The following NCOA6 variants were observed in gnomAD, a reference collection of about 807,000 sequenced individuals.
NCOA6 encodes nuclear receptor coactivator 6, also known as NRC RAP250.
A neutral mutation model predicts 171.4 loss-of-function variants in NCOA6; 49 were observed. That is an observed-to-expected ratio of 0.29 (90% CI 0.23 to 0.36). NCOA6 has a LOEUF of 0.36. Among genes scored for constraint, NCOA6 ranks in the 10% least tolerant of loss-of-function variants. The probability of loss-of-function intolerance (pLI) is 1.00; values close to 1 mark genes in which losing one functional copy is unlikely to be tolerated. For missense variants in NCOA6, 2,248 were observed against 2,554.5 expected (o/e 0.88, Z 2.59); for synonymous variants, 910 against 927.5 (o/e 0.98, Z 0.34).
At chr20:34,801,523 C>G (rs1265611218) in intron 1 of NCOA6, among the ~76,000 whole-genome samples, 1 of 152,094 alleles carries the variant, frequency 6.6e-6, no homozygotes, top group Non-Finnish European at 1.5e-5. Context: ...ACAACTGATA[C>G]TTCAGAAATT....
At chr20:34,823,512 T>A (rs533666774) in intron 1 of NCOA6, among the ~76,000 whole-genome samples, 1 of 152,344 alleles carries the variant, frequency 6.6e-6, no homozygotes, top group South Asian at 2.1e-4. Context: ...TGGACCTATT[T>A]TCCATGACTA....
At chr20:34,737,231 C>T (rs1157295308) in intron 11 of NCOA6, among the ~76,000 whole-genome samples, 4 of 152,202 alleles carry the variant, frequency 2.6e-5, no homozygotes, top group African/African-American at 7.2e-5. Context: ...TTCTATAGCA[C>T]TTAGCAAAAG....
rs368111032 is a variant in NCOA6, at chr20:34,741,083, T to C, written c.5173A>G (p.Asn1725Asp). 7 of 1,614,052 alleles carry C rather than the reference T, an allele frequency of 4.3e-6. No homozygotes were observed. The highest frequency in any genetic ancestry group is 4.5e-5 in the East Asian group (2 of 44,890). The change falls in exon 11 of 15, where the codon AAC becomes GAC. Residue 1725 changes from asparagine (N) to aspartate (D), a missense_variant. Transcript: ENST00000359003. ...PNALSSSPAP[N>D]IQTGRPLVLS... ...ACCAAAGGTCGACCTGTCTGGATGT[T>C]TGGAGCAGGACTACTGGAGAGGGCA...
At chr20:34,746,992 A>C in intron 9 of NCOA6, 64 bp from the exon 10 acceptor site, 1 of 1,372,614 alleles carries the variant, frequency 7.3e-7, no homozygotes, top group Non-Finnish European at 9.6e-7. Flanking sequence ...AAATACACAA[A>C]ACTAGCTTAA....
chr20:34,760,960 C>T (rs979582299), intron 5 of NCOA6, among the ~76,000 whole-genome samples: 2 of 150,800 alleles, frequency 1.3e-5, no homozygotes, highest in African/African-American at 5.0e-5. Flanking sequence ...GTGGCTGACA[C>T]CTGTAATCCC....
intron 13 of NCOA6, among the ~76,000 whole-genome samples, chr20:34,728,460 AT>A (rs1323909803): frequency 1.3e-5 from 2 of 152,162 alleles, no homozygotes; most frequent in Admixed American, 6.5e-5. Context: ...ATCTGGAGAC[AT>A]TTTTGATTGT....
At chr20:34,802,532 CG>C (rs2078290106) in intron 1 of NCOA6, among the ~76,000 whole-genome samples, 1 of 151,756 alleles carries the variant, frequency 6.6e-6, no homozygotes, top group African/African-American at 2.4e-5. Flanking sequence ...ACCAGGGAGT[CG>C]GAAGTTGCAG....
intron 1 of NCOA6, among the ~76,000 whole-genome samples, chr20:34,793,199 C>T (rs998695145): frequency 2.0e-5 from 3 of 152,118 alleles, no homozygotes; most frequent in East Asian, 3.9e-4. Context: ...AGCCTTAGAG[C>T]CCTCTCTATA....
At chr20:34,825,425 CG>C (rs1397797620) in intron 1 of NCOA6, 46 bp downstream of exon 1, 2 of 149,526 alleles carry the variant, frequency 1.3e-5, no homozygotes, top group Non-Finnish European at 3.0e-5. Flanking sequence ...GGACCGCGGA[CG>C]CCCGGCGGGC....
chr20:34,787,134 AC>A lies in NCOA6; in HGVS notation c.-49-4731del, dbSNP rs532629243. 8.1e-5 allele frequency among the ~76,000 whole-genome samples: 12 copies of A among 148,276 alleles called. No individual in the cohort carries two copies. In the South Asian group the frequency reaches 1.1e-3, roughly 13 times the overall value. Reference sequence around the variant, plus strand: ...TAAACAAATTTATGAAAAAAAAAAAACAACCCCATTAAAAAGTGCGCTTTCA... The same window carrying A: ...TAAACAAATTTATGAAAAAAAAAAAAAACCCCATTAAAAAGTGCGCTTTCA... On this transcript the variant is annotated intron_variant, in intron 2 of 14. Coordinates refer to ENST00000359003, the MANE Select transcript of NCOA6 (RefSeq NM_014071.5).
chr20:34,806,384 C>T (rs1031108423), intron 1 of NCOA6, among the ~76,000 whole-genome samples: 12 of 152,314 alleles, frequency 7.9e-5, no homozygotes, highest in East Asian at 3.9e-4. Flanking sequence ...GTTTCCTTTG[C>T]TGTGCAGAAG....
chr20:34,772,009 C>T (rs1467343639), intron 4 of NCOA6, among the ~76,000 whole-genome samples: 3 of 152,134 alleles, frequency 2.0e-5, no homozygotes, highest in Non-Finnish European at 4.4e-5. Flanking sequence ...TAATTAATAG[C>T]ATTCTCTTTC....
intron 3 of NCOA6, among the ~76,000 whole-genome samples, chr20:34,779,696 G>A (rs2077457963): frequency 6.6e-6 from 1 of 152,088 alleles, no homozygotes; most frequent in South Asian, 2.1e-4. Flanking sequence ...TGGTCATAGA[G>A]GAATATGCTT....
At position 34,750,058 on chromosome 20, in the gene NCOA6, T is replaced by A. The variant is rs771918684; in HGVS notation, c.2137A>T (p.Ile713Leu). 2 of 1,614,236 alleles carry A rather than the reference T, an allele frequency of 1.2e-6. No individual in the cohort carries two copies. Among genetic ancestry groups the A allele is most frequent in the Non-Finnish European group, 1.7e-6 (2 of 1,180,052 alleles). Residue 713 changes from isoleucine to leucine, a missense_variant, in exon 9 of 15, where the codon ATA (isoleucine) becomes TTA (leucine). Around this residue, in one of 7 missense-constraint regions of NCOA6, gnomAD observed 987 missense variants for 1,104.7 expected, o/e 0.89. Coordinates refer to ENST00000359003, the MANE Select transcript of NCOA6 (RefSeq NM_014071.5). ...ATTTGATTGGTCATAATCTGCTCTA[T>A]CATTGGGTTCTGTTGGAGCAAAACC... Reference protein sequence around the residue: ...GQVLLQQNPMIEQIMTNQMQG... With the variant: ...GQVLLQQNPMLEQIMTNQMQG...
chr20:34,774,831 A>C (rs1390281664), intron 4 of NCOA6, among the ~76,000 whole-genome samples: 1 of 152,250 alleles, frequency 6.6e-6, no homozygotes, highest in Non-Finnish European at 1.5e-5. Context: ...GACAATATTT[A>C]TCATTGTATT....
intron 2 of NCOA6, among the ~76,000 whole-genome samples, chr20:34,789,687 C>G (rs1279959707): frequency 6.6e-6 from 1 of 152,040 alleles, no homozygotes; most frequent in African/African-American, 2.4e-5. Context: ...GTGAAACAAT[C>G]CCTTGAGCCT....
chr20:34,742,844 T>C lies in NCOA6; in HGVS notation c.3412A>G (p.Ser1138Gly). 6.2e-7 allele frequency: 1 copy of C among 1,614,214 alleles called. No individual in the cohort carries two copies. Among genetic ancestry groups the C allele is most frequent in the Non-Finnish European group, 8.5e-7 (1 of 1,180,024 alleles). ...CCTCCTGGGACAGATGGTGCTTCACTGCCACTTGCTTCAGGGAGTGAGGCC... is the reference window on the plus strand; with the variant it reads ...CCTCCTGGGACAGATGGTGCTTCACCGCCACTTGCTTCAGGGAGTGAGGCC... ...EMASLPEASG[S>G]EAPSVPGGPN... The change falls in exon 11 of 15, where the codon AGT becomes GGT. Residue 1138 changes from serine to glycine, a missense_variant. Physicochemically the swap from Ser to Gly is moderately conservative, Grantham distance 56. This residue lies in a region of NCOA6 where 352 missense variants were observed against 419.1 expected (regional missense o/e 0.84). Coordinates refer to ENST00000359003, the MANE Select transcript of NCOA6 (RefSeq NM_014071.5).
In NCOA6 at chr20:34,825,600, C is replaced by A. The variant is rs1336350523; in HGVS notation, c.-292G>T. 2 of 151,396 alleles carry A rather than the reference C, an allele frequency of 1.3e-5. No homozygotes were observed. The highest frequency in any genetic ancestry group is 4.8e-5 in the African/African-American group (2 of 41,252). The allele number at this position is 151,396 out of a possible 1,614,324, so 9.4% of individuals were successfully genotyped here. ...CGTCTGTCCCGCCGCCCGCGCCCGGCCGCCCGCAGCCCGACCCGGCAGGGC... is the reference window on the plus strand; with the variant it reads ...CGTCTGTCCCGCCGCCCGCGCCCGGACGCCCGCAGCCCGACCCGGCAGGGC... On this transcript the variant is annotated 5_prime_UTR_variant, in exon 1 of 15. Coordinates refer to ENST00000359003, the MANE Select transcript of NCOA6 (RefSeq NM_014071.5).
chr20:34,804,108 A>G (rs915062459), intron 1 of NCOA6, among the ~76,000 whole-genome samples: 2 of 152,158 alleles, frequency 1.3e-5, no homozygotes, highest in Admixed American at 1.3e-4. Context: ...AGGCTGAGGC[A>G]GGCAGATCAC....
Sources: allele counts gnomAD v4.1 joint callset (sites outside exome capture counted in the v4.1 genomes callset), GRCh38; gene constraint gnomAD v4.1.1; regional missense constraint gnomAD v4.1.1; transcripts MANE v1.5; gene names NCBI Gene and HGNC (gene_info 2026-07-23, HGNC 2026-07-21).